Variants in MYLK observed in about 807,000 individuals in gnomAD.
MYLK encodes myosin light chain kinase.
A neutral mutation model predicts 203.4 loss-of-function variants in MYLK; 106 were observed. That is an observed-to-expected ratio of 0.52 (90% CI 0.45 to 0.61). The LOEUF is 0.61. MYLK is among the 20% of genes least tolerant of loss of function. The pLI, the probability that MYLK is intolerant of heterozygous loss-of-function variation, is 0.00. For synonymous variants in MYLK, 867 were observed against 959.5 expected (o/e 0.90, Z 1.78); for missense variants, 2,072 against 2,442.3 (o/e 0.85, Z 3.20).
rs560138602 is a variant in MYLK, at chr3:123,647,386, G to A, written c.4457C>T (p.Thr1486Ile). The change falls in exon 27 of 34, where the codon ACT becomes ATT. Residue 1486 changes from threonine (T) to isoleucine (I), a missense_variant. Around this residue, in one of 3 missense-constraint regions of MYLK, gnomAD observed 524 missense variants for 782.4 expected, o/e 0.67. Coordinates refer to ENST00000360304, the MANE Select transcript of MYLK (RefSeq NM_053025.4). ...GAACTTCCCTGCCCAGACTTTTCGA[G>A]TTTTCTTTTCTACAAGTCGAAAGAC... ...GQVFRLVEKK[T>I]RKVWAGKFFK... 6 of 1,614,200 alleles carry A rather than the reference G, an allele frequency of 3.7e-6. No individual in the cohort carries two copies. The South Asian group carries it at 6.6e-5, about 18-fold the overall frequency.
chr3:123,795,815 T>C (rs2064965519), intron 3 of MYLK, among the ~76,000 whole-genome samples: 1 of 152,252 alleles, frequency 6.6e-6, no homozygotes, highest in South Asian at 2.1e-4. Context: ...TCTGTTCATT[T>C]TCTTTGGCTG....
intron 2 of MYLK, among the ~76,000 whole-genome samples, chr3:123,840,074 A>G (rs1460625912): frequency 6.6e-6 from 1 of 152,136 alleles, no homozygotes; most frequent in African/African-American, 2.4e-5. Flanking sequence ...TGTAGCATTA[A>G]GTGCTTATAT....
intron 3 of MYLK, among the ~76,000 whole-genome samples, chr3:123,799,152 C>CA: frequency 6.6e-6 from 1 of 152,200 alleles, no homozygotes; most frequent in Middle Eastern, 3.4e-3. Flanking sequence ...AGCAGTGGTT[C>CA]AAGAGCTGGA....
intron 4 of MYLK, among the ~76,000 whole-genome samples, chr3:123,752,953 TA>T (rs1469287052): frequency 6.6e-6 from 1 of 152,190 alleles, no homozygotes; most frequent in Non-Finnish European, 1.5e-5. Flanking sequence ...GTGATCCTGT[TA>T]AAATGCATAT....
At chr3:123,772,800 T>C (rs773641198) in intron 4 of MYLK, among the ~76,000 whole-genome samples, 1 of 152,014 alleles carries the variant, frequency 6.6e-6, no homozygotes, top group South Asian at 2.1e-4. Context: ...TAAAATGTGA[T>C]ATGTTTCATT....
rs757637993 is a variant in MYLK at position 123,640,523 on chromosome 3, G to A, written c.4620-19C>T. On this transcript the variant is annotated intron_variant, in intron 27 of 33. Transcript: ENST00000360304. The surrounding 1 kb of genome is among the most constrained non-coding windows in gnomAD (Gnocchi z 4.3). The stretch of plus-strand genomic sequence containing the variant: ...TGACACGCTGCGGGAACACGTGCAC[G>A]GGGTGGTCAGGCCACAGGCTCATGG... 28 of 1,612,934 alleles carry A rather than the reference G, an allele frequency of 1.7e-5. No homozygotes were observed. Among genetic ancestry groups the A allele is most frequent in the East Asian group, 1.6e-4 (7 of 44,878 alleles).
chr3:123,701,127 G>T, intron 17 of MYLK, 122 bp from the exon 18 acceptor site: 1 of 1,319,908 alleles, frequency 7.6e-7, no homozygotes, highest in Non-Finnish European at 1.0e-6. Flanking sequence ...AGGGGATGGG[G>T]GAGGCCGGCC....
intron 3 of MYLK, among the ~76,000 whole-genome samples, chr3:123,800,742 A>G (rs1275525995): frequency 6.6e-6 from 1 of 152,220 alleles, no homozygotes; most frequent in Non-Finnish European, 1.5e-5. Flanking sequence ...CGGCAATGAC[A>G]TGAATTTAAG....
At position 123,833,796 on chromosome 3, in the gene MYLK, C is replaced by T. The variant is rs186092272; in HGVS notation, c.-126-2126G>A. 1.1e-4 allele frequency among the ~76,000 whole-genome samples: 16 copies of T among 152,232 alleles called. No individual in the cohort carries two copies. The East Asian group carries it at 1.9e-3, about 18-fold the overall frequency. On this transcript the variant is annotated intron_variant, in intron 2 of 33. Coordinates refer to ENST00000360304, the MANE Select transcript of MYLK (RefSeq NM_053025.4). ...CCCTATCAGGCATTACATCTATCCC[C>T]GAGTTCCCTGACACTCATGGCAAAA...
intron 18 of MYLK, among the ~76,000 whole-genome samples, chr3:123,698,500 C>A (rs953255670): frequency 1.3e-5 from 2 of 152,108 alleles, no homozygotes; most frequent in Non-Finnish European, 2.9e-5. Context: ...GTGGGAGAGC[C>A]CCACAGGGGC....
chr3:123,667,276 G>T, intron 20 of MYLK, 89 bp from the exon 21 acceptor site: 2 of 1,265,066 alleles, frequency 1.6e-6, no homozygotes, highest in Non-Finnish European at 2.3e-6. Flanking sequence ...CTTGTCCACT[G>T]GCCCCTCATC....
chr3:123,801,454 T>C (rs1286474039), intron 3 of MYLK, among the ~76,000 whole-genome samples: 2 of 152,094 alleles, frequency 1.3e-5, no homozygotes, highest in Admixed American at 1.3e-4. Flanking sequence ...AGTAAGGGAG[T>C]ACATGTGCAG....
At chr3:123,834,006 C>T (rs1399725262) in intron 2 of MYLK, among the ~76,000 whole-genome samples, 3 of 152,108 alleles carry the variant, frequency 2.0e-5, no homozygotes, top group Admixed American at 1.3e-4. Flanking sequence ...CAAAAGGAAA[C>T]ATTTGGCATT....
At position 123,649,441 on chromosome 3, in the gene MYLK, C is replaced by T. The variant is rs185462065; in HGVS notation, c.4289-247G>A. ...CTTCTCCACCAGGTCTCCCCTCTGT[C>T]CCATCCTCTCTAGCCTCATGGTCCC... On this transcript the variant is annotated intron_variant, in intron 24 of 33. Transcript: ENST00000360304. Among the ~76,000 whole-genome samples, 204 of 152,336 alleles carry T rather than the reference C, an allele frequency of 1.3e-3. 1 individual carries two copies. Among genetic ancestry groups the T allele is most frequent in the Admixed American group, 2.5e-3 (39 of 15,310 alleles).
At chr3:123,859,682 T>A (rs2031722480) in intron 2 of MYLK, among the ~76,000 whole-genome samples, 1 of 152,098 alleles carries the variant, frequency 6.6e-6, no homozygotes, top group Admixed American at 6.5e-5. Context: ...AGACAAATCG[T>A]TTAATAGAAA....
chr3:123,737,251 G>T, intron 8 of MYLK, 127 bp downstream of exon 8: 1 of 1,143,922 alleles, frequency 8.7e-7, no homozygotes, highest in Non-Finnish European at 1.3e-6. Context: ...CTGCCCCTGG[G>T]GAGTGCCTGG....
chr3:123,806,754 C>T (rs1229621277), intron 3 of MYLK, among the ~76,000 whole-genome samples: 1 of 152,076 alleles, frequency 6.6e-6, no homozygotes, highest in Non-Finnish European at 1.5e-5. Context: ...CCTCCGCATC[C>T]TGGGTTCAAG....
At chr3:123,715,665 C>G (rs1458281189) in intron 13 of MYLK, among the ~76,000 whole-genome samples, 2 of 152,182 alleles carry the variant, frequency 1.3e-5, no homozygotes, top group East Asian at 3.9e-4. Context: ...GCCTTTACCT[C>G]CTCTAGGACC....
Position 123,610,836 on chromosome 3 carries a change from A to C in MYLK, c.*3269T>G, listed in dbSNP as rs755116442. ...CAAAAAGCAAATTTCAAACATTTTA[A>C]CAAAAATAAAAAATCTTTACATAAA... On this transcript the variant is annotated 3_prime_UTR_variant, in exon 34 of 34. Transcript: ENST00000360304. The C allele has an allele frequency of 1.3e-5, 2 of 152,244 alleles. No individual in the cohort carries two copies. Among genetic ancestry groups the C allele is most frequent in the African/African-American group, 2.4e-5 (1 of 41,460 alleles). The allele number at this position is 152,244 out of a possible 1,614,324, so 9.4% of individuals were successfully genotyped here. A position where few individuals can be genotyped will look rare whatever the true frequency, so the allele number is the denominator to read the frequency against.
Sources: allele counts gnomAD v4.1 joint callset (sites outside exome capture counted in the v4.1 genomes callset), GRCh38; gene constraint gnomAD v4.1.1; regional missense constraint gnomAD v4.1.1; non-coding constraint Gnocchi (gnomAD v3.1); transcripts MANE v1.5; gene names NCBI Gene and HGNC (gene_info 2026-07-23, HGNC 2026-07-21).